PXDNL: variants seen among roughly 807,000 people sequenced by gnomAD.
The protein encoded by PXDNL is probable oxidoreductase PXDNL.
PXDNL carries 145 observed loss-of-function variants against 150.8 expected under a neutral mutation model. The ratio of observed to expected loss-of-function variants is 0.96; its 90% CI spans 0.84 to 1.10. PXDNL has a LOEUF of 1.10. PXDNL is among the 50% of genes least tolerant of loss of function. The pLI, the probability that PXDNL is intolerant of heterozygous loss-of-function variation, is 0.00. For missense variants in PXDNL, 2,087 were observed against 1,873.9 expected (o/e 1.11, Z -2.10); for synonymous variants, 757 against 725.7 (o/e 1.04, Z -0.69).
At chr8:51,551,162 C>T (rs1250999592) in intron 4 of PXDNL, among the ~76,000 whole-genome samples, 3 of 152,058 alleles carry the variant, frequency 2.0e-5, no homozygotes, top group African/African-American at 7.2e-5. Flanking sequence ...AAAAATGCTG[C>T]TGAAAGAAAT....
rs566698584 is a variant in PXDNL, at chr8:51,711,125, A to C, written c.165-56365T>G. Among the ~76,000 whole-genome samples the C allele has an allele frequency of 1.2e-3, 181 of 152,090 alleles. 1 individual carries two copies. Among genetic ancestry groups the C allele is most frequent in the African/African-American group, 4.1e-3 (170 of 41,332 alleles). On this transcript the variant is annotated intron_variant, in intron 1 of 22. Coordinates refer to ENST00000356297, the MANE Select transcript of PXDNL (RefSeq NM_144651.5). ...TATTAAATATAGAAAACTAGCAATT[A>C]AAACTTTGAAATTATCTTTTTTATT...
rs1213555374 is a variant in PXDNL at position 51,345,841 on chromosome 8, T to C, written c.4008A>G (p.Leu1336=). The C allele has an allele frequency of 3.1e-6, 5 of 1,598,318 alleles. No individual in the cohort carries two copies. Among genetic ancestry groups the C allele is most frequent in the African/African-American group, 1.3e-5 (1 of 74,578 alleles). Residue 1336 remains leucine, a synonymous_variant, in exon 20 of 23, where the codon CTA becomes CTG. Coordinates refer to ENST00000356297, the MANE Select transcript of PXDNL (RefSeq NM_144651.5). ...GATATTTCTATACATACCTACTTCT[T>C]AGATGACTTAACTCCATATCCTTAT... ...PVDKDMELSH[L]RSRQQDKIYV... is the part of the protein sequence containing the mutation.
intron 20 of PXDNL, among the ~76,000 whole-genome samples, chr8:51,345,150 T>C (rs908003858): frequency 1.3e-5 from 2 of 152,234 alleles, no homozygotes; most frequent in African/African-American, 4.8e-5. Context: ...TGAATTGCAA[T>C]GTTTATTTTG....
intron 1 of PXDNL, among the ~76,000 whole-genome samples, chr8:51,732,584 C>T (rs1816954769): frequency 6.6e-6 from 1 of 152,160 alleles, no homozygotes; most frequent in African/African-American, 2.4e-5. Context: ...TACCAATTTA[C>T]TGTATTAGTC....
chr8:51,646,667 G>A (rs1814926733), intron 2 of PXDNL, among the ~76,000 whole-genome samples: 1 of 152,126 alleles, frequency 6.6e-6, no homozygotes. Context: ...AACACTTCTA[G>A]GAGCCTTGCT....
Position 51,409,147 on chromosome 8 carries a change from A to G in PXDNL, c.2477T>C (p.Phe826Ser). ...HTVPALSTARFSDGRPCSSVC... is the reference protein window; with the variant it reads ...HTVPALSTARSSDGRPCSSVC... ...GGAGCTGCACGGCCGCCCATCCGAG[A>G]AGCGGGCTGTGCTCAGCGCAGGCAC... is the stretch of plus-strand genomic sequence containing the variant. The change falls in exon 17 of 23, where the codon TTC becomes TCC. Residue 826 changes from phenylalanine (F) to serine (S), a missense_variant. By Grantham distance (155) the Phe-to-Ser change is radical. Transcript: ENST00000356297. 2 of 1,603,744 alleles carry G rather than the reference A, an allele frequency of 1.2e-6. No individual in the cohort carries two copies. The highest frequency in any genetic ancestry group is 1.7e-6 in the Non-Finnish European group (2 of 1,178,316).
intron 21 of PXDNL, among the ~76,000 whole-genome samples, chr8:51,337,767 T>G (rs1805871688): frequency 6.6e-6 from 1 of 150,782 alleles, no homozygotes; most frequent in Non-Finnish European, 1.5e-5. Flanking sequence ...GTCCCCCAGC[T>G]ACACGGGAGG....
chr8:51,432,566 C>G (rs1261932507), intron 12 of PXDNL, among the ~76,000 whole-genome samples: 1 of 152,224 alleles, frequency 6.6e-6, no homozygotes, highest in Non-Finnish European at 1.5e-5. Flanking sequence ...TTCTTCTACA[C>G]AATTCTTGCA....
intron 19 of PXDNL, 145 bp from the exon 20 acceptor site, chr8:51,346,092 G>A (rs543741883): frequency 2.4e-5 from 13 of 543,344 alleles, no homozygotes; most frequent in Admixed American, 9.9e-5. Flanking sequence ...CATTTAGTCC[G>A]TTCCATTTTG....
At chr8:51,715,790 G>A (rs1252082120) in intron 1 of PXDNL, among the ~76,000 whole-genome samples, 1 of 152,124 alleles carries the variant, frequency 6.6e-6, no homozygotes, top group East Asian at 1.9e-4. Context: ...TAAGGCAGGA[G>A]TAACTTCATT....
chr8:51,469,743 A>C (rs1443011130), intron 8 of PXDNL, among the ~76,000 whole-genome samples: 1 of 152,088 alleles, frequency 6.6e-6, no homozygotes, highest in African/African-American at 2.4e-5. Context: ...ACCACACTTT[A>C]TGCTCCATGC....
intron 4 of PXDNL, among the ~76,000 whole-genome samples, chr8:51,528,073 T>C (rs768224574): frequency 3.9e-5 from 6 of 152,144 alleles, no homozygotes; most frequent in Non-Finnish European, 8.8e-5. Flanking sequence ...CAGAGGGCCA[T>C]TGCAATATTA....
At chr8:51,510,080 C>T (rs1811380685) in intron 4 of PXDNL, among the ~76,000 whole-genome samples, 4 of 152,028 alleles carry the variant, frequency 2.6e-5, no homozygotes, top group Admixed American at 6.6e-5. Context: ...TAATGCTCTA[C>T]AGACCCTTAG....
At chr8:51,530,016 G>T (rs2130425339) in intron 4 of PXDNL, among the ~76,000 whole-genome samples, 1 of 152,300 alleles carries the variant, frequency 6.6e-6, no homozygotes, top group South Asian at 2.1e-4. Flanking sequence ...CAACTCTCCT[G>T]TGAGGAAGCA....
At chr8:51,341,784 C>T (rs1421085299) in intron 20 of PXDNL, among the ~76,000 whole-genome samples, 1 of 152,152 alleles carries the variant, frequency 6.6e-6, no homozygotes, top group African/African-American at 2.4e-5. Flanking sequence ...TAGCACCTCA[C>T]ACCTGTTAGG....
chr8:51,493,630 G>A (rs1349294133), intron 5 of PXDNL, among the ~76,000 whole-genome samples: 4 of 152,292 alleles, frequency 2.6e-5, no homozygotes, highest in African/African-American at 9.6e-5. Context: ...ACTACATGAC[G>A]AATGCACAAG....
intron 17 of PXDNL, among the ~76,000 whole-genome samples, chr8:51,382,258 G>A (rs967231075): frequency 6.6e-6 from 1 of 152,146 alleles, no homozygotes; most frequent in South Asian, 2.1e-4. Flanking sequence ...GGGTTGCCGG[G>A]AAACCACCAG....
intron 10 of PXDNL, among the ~76,000 whole-genome samples, chr8:51,452,935 A>AACACATACACACACACACACAC (rs60146365): frequency 0.036 from 5,077 of 142,614 alleles, 128 homozygotes; most frequent in Admixed American, 0.091. Context: ...CACACACACA[A>AACACATACACACACACACACAC]ACACACACAC....
At chr8:51,353,212 T>C (rs1158539534) in intron 19 of PXDNL, among the ~76,000 whole-genome samples, 1 of 150,308 alleles carries the variant, frequency 6.7e-6, no homozygotes, top group East Asian at 1.9e-4. Context: ...GATGAATATA[T>C]AATTTCTTAT....
Sources: gnomAD v4.1 joint callset for allele counts (sites outside exome capture counted in the v4.1 genomes callset) on GRCh38, gnomAD v4.1.1 for gene constraint, MANE v1.5 for transcripts, NCBI Gene and HGNC (gene_info 2026-07-23, HGNC 2026-07-21) for gene names.